ARMC2: variants seen among roughly 807,000 people sequenced by gnomAD.
ARMC2 encodes the protein armadillo repeat containing 2, also known as armadillo repeat-containing protein 2.
ARMC2 carries 67 observed loss-of-function variants against 90.3 expected under a neutral mutation model. The observed-to-expected ratio is 0.74, with a 90% CI of 0.61 to 0.91. The LOEUF (loss-of-function observed/expected upper bound fraction) is 0.91, where lower values mean the gene tolerates loss of function less well. Ranked by LOEUF, ARMC2 falls within the 40% of genes least tolerant of loss-of-function variation. ARMC2 has a pLI of 0.00. For missense variants in ARMC2, 920 were observed against 1,030.9 expected (o/e 0.89, Z 1.47); for synonymous variants, 393 against 393.0 (o/e 1.00, Z 0.00).
chr6:108,964,951 A>G, intron 16 of ARMC2, 29 bp from the exon 17 acceptor site: 1 of 1,541,350 alleles, frequency 6.5e-7, no homozygotes, highest in Admixed American at 1.8e-5. Context: ...TGACCTAATA[A>G]CTTCTCAATT....
At chr6:108,957,734 A>G (rs748645669) in intron 13 of ARMC2, among the ~76,000 whole-genome samples, 3 of 152,088 alleles carry the variant, frequency 2.0e-5, no homozygotes, top group Non-Finnish European at 4.4e-5. Context: ...AAAAATCAAT[A>G]ATGTTTCTAG....
intron 13 of ARMC2, among the ~76,000 whole-genome samples, chr6:108,956,516 G>A (rs1161895128): frequency 1.3e-5 from 2 of 149,420 alleles, no homozygotes; most frequent in Admixed American, 6.7e-5. Flanking sequence ...GGGCAACATG[G>A]CAAAACCCTG....
the ARMC2 span, among the ~76,000 whole-genome samples, chr6:108,994,806 C>T: frequency 2.6e-5 from 4 of 151,698 alleles, no homozygotes; most frequent in South Asian, 8.3e-4. Context: ...AGGTTCACGC[C>T]ATTCTCCTGC....
intron 4 of ARMC2, among the ~76,000 whole-genome samples, chr6:108,869,859 A>G (rs1054417657): frequency 8.5e-5 from 13 of 152,180 alleles, no homozygotes; most frequent in African/African-American, 2.9e-4. Flanking sequence ...ACTGTGGAAA[A>G]GGACCCAGAA....
At chr6:109,033,349 A>G in the ARMC2 span, among the ~76,000 whole-genome samples, 1 of 152,198 alleles carries the variant, frequency 6.6e-6, no homozygotes, top group African/African-American at 2.4e-5. Flanking sequence ...AAAAAAATTT[A>G]TTTCCCAAGA....
chr6:108,929,873 C>T (rs540503105), intron 11 of ARMC2, among the ~76,000 whole-genome samples: 3 of 152,042 alleles, frequency 2.0e-5, no homozygotes, highest in Non-Finnish European at 4.4e-5. Context: ...TTTGGGAGGC[C>T]AAGGTGGGTG....
the ARMC2 span, chr6:108,988,828 A>G: frequency 6.7e-6 from 4 of 596,746 alleles, no homozygotes; most frequent in African/African-American, 5.7e-5. Context: ...ATAGAGCTTT[A>G]TAACTGCAGA....
At chr6:108,909,366 T>C in intron 8 of ARMC2, among the ~76,000 whole-genome samples, 1 of 152,266 alleles carries the variant, frequency 6.6e-6, no homozygotes, top group East Asian at 1.9e-4. Flanking sequence ...CTTAGGATGT[T>C]TTTTATTTTT....
the ARMC2 span, among the ~76,000 whole-genome samples, chr6:109,043,794 C>T: frequency 5.6e-4 from 85 of 152,212 alleles, no homozygotes. Context: ...GTTCAACATT[C>T]CAAATATAAT....
the ARMC2 span, among the ~76,000 whole-genome samples, chr6:109,021,565 T>C: frequency 6.6e-6 from 1 of 151,988 alleles, no homozygotes. Context: ...AGCCTCGCAA[T>C]TAGCTGGGAC....
chr6:108,870,916 T>A (rs1328787425), intron 4 of ARMC2, among the ~76,000 whole-genome samples: 2 of 152,104 alleles, frequency 1.3e-5, no homozygotes, highest in African/African-American at 4.8e-5. Context: ...AGAATTTGAG[T>A]GCTGATGAAT....
chr6:108,913,878 T>C lies in ARMC2; in HGVS notation c.1350+1320T>C, dbSNP rs531004006. On this transcript the variant is annotated intron_variant, in intron 10 of 17. Coordinates refer to ENST00000392644, the MANE Select transcript of ARMC2 (RefSeq NM_032131.6). ...CACACAGGATTCAACAAATGGAATA[T>C]TCTATGCCCTTCTCTCTCCTCATTT... Among the ~76,000 whole-genome samples, 35 of 152,366 alleles carry C rather than the reference T, an allele frequency of 2.3e-4. 1 individual carries two copies. In the South Asian group the frequency reaches 6.8e-3, roughly 30 times the overall value.
At position 108,875,404 on chromosome 6, in the gene ARMC2, C is replaced by A. The variant is rs533982515; in HGVS notation, c.464-739C>A. On this transcript the variant is annotated intron_variant, in intron 4 of 17. Transcript: ENST00000392644. Reference sequence around the variant, plus strand: ...TGCCTCCTTGCACACTGCATTCCTGCTATTCCTTGAGCACCCCAGGCACAG... The same window carrying A: ...TGCCTCCTTGCACACTGCATTCCTGATATTCCTTGAGCACCCCAGGCACAG... Among the ~76,000 whole-genome samples the A allele has an allele frequency of 3.4e-4, 52 of 152,218 alleles. 2 individuals carry two copies. In the South Asian group the frequency reaches 0.011, roughly 31 times the overall value.
At chr6:108,874,623 A>C (rs1287118250) in intron 4 of ARMC2, among the ~76,000 whole-genome samples, 1 of 152,160 alleles carries the variant, frequency 6.6e-6, no homozygotes, top group Non-Finnish European at 1.5e-5. Context: ...TTACTAGGCC[A>C]CATCATTTAA....
chr6:108,972,078 G>A (rs766547266), intron 17 of ARMC2, among the ~76,000 whole-genome samples: 29 of 152,194 alleles, frequency 1.9e-4, no homozygotes, highest in Non-Finnish European at 5.9e-5. Context: ...TCTGAAGTCT[G>A]TCACACAGAG....
chr6:108,906,446 C>T (rs980044270), intron 8 of ARMC2, among the ~76,000 whole-genome samples: 9 of 151,956 alleles, frequency 5.9e-5, no homozygotes, highest in African/African-American at 2.2e-4. Flanking sequence ...AGAAAACTAC[C>T]CTACCACAAG....
chr6:108,909,902 A>G (rs1023615497), intron 8 of ARMC2, among the ~76,000 whole-genome samples: 1 of 152,220 alleles, frequency 6.6e-6, no homozygotes, highest in African/African-American at 2.4e-5. Flanking sequence ...TAGACCTTAA[A>G]AAGAAATATA....
chr6:108,911,464 T>C (rs1027712001), intron 9 of ARMC2, among the ~76,000 whole-genome samples: 3 of 152,188 alleles, frequency 2.0e-5, no homozygotes, highest in Non-Finnish European at 4.4e-5. Context: ...GCCTAATTTT[T>C]GTTGTACTTC....
Position 108,854,431 on chromosome 6 carries a change from T to C in ARMC2, c.164T>C (p.Leu55Pro). 1.2e-6 allele frequency: 2 copies of C among 1,613,634 alleles called. No homozygotes were observed. The highest frequency in any genetic ancestry group is 1.7e-6 in the Non-Finnish European group (2 of 1,179,840). The change falls in exon 2 of 18, where the codon CTA (leucine) becomes CCA (proline). Residue 55 changes from leucine to proline, a missense_variant. Transcript: ENST00000392644. ...PFTPQEAQRK[L>P]FGPASSRTSE... Reference sequence around the variant, plus strand: ...ACACCACAGGAGGCTCAAAGAAAACTATTCGGACCTGCATCCTCAAGAACA... The same window carrying C: ...ACACCACAGGAGGCTCAAAGAAAACCATTCGGACCTGCATCCTCAAGAACA...
Sources: allele counts gnomAD v4.1 joint callset (sites outside exome capture counted in the v4.1 genomes callset), GRCh38; gene constraint gnomAD v4.1.1; transcripts MANE v1.5; gene names NCBI Gene and HGNC (gene_info 2026-07-23, HGNC 2026-07-21).